The following USP49 variants were observed in gnomAD, a reference collection of about 807,000 sequenced individuals.
USP49 encodes the protein ubiquitin specific peptidase 49.
In USP49, 24 loss-of-function variants were observed where a neutral mutation model predicts 58.6. That is an observed-to-expected ratio of 0.41 (90% confidence interval 0.30 to 0.58). The LOEUF (loss-of-function observed/expected upper bound fraction) is 0.58. USP49 is among the 20% of genes least tolerant of loss of function. The pLI, the probability that USP49 is intolerant of heterozygous loss-of-function variation, is 0.30. For synonymous variants in USP49, 408 were observed against 365.1 expected (o/e 1.12, Z -1.34); for missense variants, 703 against 866.1 (o/e 0.81, Z 2.36).
At chr6:41,894,736 C>T (rs187775897) in intron 1 of USP49, among the ~76,000 whole-genome samples, 104 of 152,172 alleles carry the variant, frequency 6.8e-4, no homozygotes, top group Middle Eastern at 6.8e-3. Context: ...CACCTAACCC[C>T]AGGATCCCTT....
intron 3 of USP49, among the ~76,000 whole-genome samples, chr6:41,825,237 A>G (rs1773518115): frequency 6.6e-6 from 1 of 152,220 alleles, no homozygotes; most frequent in African/African-American, 2.4e-5. Flanking sequence ...TAAGCCAATC[A>G]ACTACCAATA....
intron 2 of USP49, among the ~76,000 whole-genome samples, chr6:41,886,007 A>T (rs1774704077): frequency 6.6e-6 from 1 of 152,148 alleles, no homozygotes; most frequent in Admixed American, 6.5e-5. Flanking sequence ...CATTTCTAAA[A>T]TATTTCTTTT....
chr6:41,806,391 T>G lies in USP49; in HGVS notation c.593A>C (p.Glu198Ala). 6.4e-7 allele frequency: 1 copy of G among 1,554,420 alleles called. No individual in the cohort carries two copies. Among genetic ancestry groups the G allele is most frequent in the Non-Finnish European group, 8.6e-7 (1 of 1,159,330 alleles). The change falls in exon 4 of 8, where the codon GAG (glutamate) becomes GCG (alanine). Residue 198 changes from glutamate (E) to alanine (A), a missense_variant. Transcript: ENST00000682992. The surrounding 1 kb of genome is among the most constrained non-coding windows in gnomAD (Gnocchi z 5.9). ...GCGCGGAGGGGTGCTGGCCAGCTCCTCCAGCAGCCGCCGTTTCACCTCGCG... is the reference window on the plus strand; with the variant it reads ...GCGCGGAGGGGTGCTGGCCAGCTCCGCCAGCAGCCGCCGTTTCACCTCGCG... ...RRREVKRRLL[E>A]ELASTPPRKS...
intron 3 of USP49, among the ~76,000 whole-genome samples, chr6:41,852,925 C>T (rs751099535): frequency 5.3e-5 from 8 of 152,232 alleles, no homozygotes; most frequent in Admixed American, 1.3e-4. Flanking sequence ...CACAGTGGCT[C>T]ACACCTGTAA....
intron 2 of USP49, among the ~76,000 whole-genome samples, chr6:41,885,369 G>A (rs1383812208): frequency 6.6e-6 from 1 of 152,104 alleles, no homozygotes; most frequent in Non-Finnish European, 1.5e-5. Flanking sequence ...CTAATGAAAG[G>A]CCACAAATTC....
At chr6:41,873,812 G>A (rs907162900) in intron 2 of USP49, among the ~76,000 whole-genome samples, 2 of 152,146 alleles carry the variant, frequency 1.3e-5, no homozygotes, top group African/African-American at 4.8e-5. Context: ...CAATAATTAC[G>A]ATGGTGATCT....
chr6:41,801,190 A>G (rs1772990632), intron 5 of USP49, among the ~76,000 whole-genome samples: 1 of 152,220 alleles, frequency 6.6e-6, no homozygotes, highest in African/African-American at 2.4e-5. Context: ...CCATTTACTG[A>G]TGACTGTTTT....
chr6:41,878,820 A>G (rs755743621), intron 2 of USP49, among the ~76,000 whole-genome samples: 6 of 152,134 alleles, frequency 3.9e-5, no homozygotes, highest in African/African-American at 1.2e-4. Context: ...AATTCTCACA[A>G]TGAGGTGGGT....
At chr6:41,811,642 T>C (rs1773259027) in intron 3 of USP49, among the ~76,000 whole-genome samples, 1 of 152,218 alleles carries the variant, frequency 6.6e-6, no homozygotes, top group Non-Finnish European at 1.5e-5. Context: ...GCTCAACTCT[T>C]AGTGGTCAAA....
chr6:41,846,091 G>T (rs999208864), intron 3 of USP49, among the ~76,000 whole-genome samples: 2 of 152,164 alleles, frequency 1.3e-5, no homozygotes, highest in Admixed American at 1.3e-4. Context: ...CAAGGCAGGT[G>T]GATCACTTGA....
chr6:41,847,032 T>C (rs1299271200), intron 3 of USP49, among the ~76,000 whole-genome samples: 4 of 152,164 alleles, frequency 2.6e-5, no homozygotes, highest in Admixed American at 1.3e-4. Context: ...ACCAGGATAA[T>C]TGGTAAAGGT....
chr6:41,823,063 A>G (rs1199854230), intron 3 of USP49, among the ~76,000 whole-genome samples: 2 of 152,346 alleles, frequency 1.3e-5, no homozygotes, highest in South Asian at 2.1e-4. Context: ...GCAGGGCTAT[A>G]TGTACAACAA....
intron 3 of USP49, among the ~76,000 whole-genome samples, chr6:41,858,764 A>T (rs1358688476): frequency 6.6e-6 from 1 of 151,128 alleles, no homozygotes; most frequent in African/African-American, 2.4e-5. Flanking sequence ...TTCCCTGGTC[A>T]CTCTATTATA....
chr6:41,818,867 A>T (rs1773405146), intron 3 of USP49, among the ~76,000 whole-genome samples: 1 of 152,130 alleles, frequency 6.6e-6, no homozygotes, highest in Admixed American at 6.6e-5. Flanking sequence ...CATACTGTAT[A>T]TGTGATCCAA....
chr6:41,825,542 CTG>C (rs775280549), intron 3 of USP49, among the ~76,000 whole-genome samples: 2 of 152,108 alleles, frequency 1.3e-5, no homozygotes, highest in South Asian at 4.1e-4. Context: ...GTGCTGAACA[CTG>C]TACATACCCA....
intron 3 of USP49, among the ~76,000 whole-genome samples, chr6:41,853,123 T>C (rs909642803): frequency 3.3e-5 from 5 of 151,978 alleles, no homozygotes; most frequent in African/African-American, 1.2e-4. Flanking sequence ...CAGGTGGAGG[T>C]TGCAATGAGC....
intron 3 of USP49, among the ~76,000 whole-genome samples, chr6:41,861,991 C>T (rs908409610): frequency 1.3e-5 from 2 of 152,130 alleles, no homozygotes; most frequent in African/African-American, 4.8e-5. Flanking sequence ...CATGAGCCAC[C>T]GCACCCGGCC....
At chr6:41,801,304 A>T (rs1202746742) in intron 5 of USP49, among the ~76,000 whole-genome samples, 1 of 152,186 alleles carries the variant, frequency 6.6e-6, no homozygotes, top group Non-Finnish European at 1.5e-5. Context: ...GTGTTTGAAG[A>T]GCAGCTGGGC....
chr6:41,858,761 G>T (rs1341199063), intron 3 of USP49, among the ~76,000 whole-genome samples: 1 of 151,848 alleles, frequency 6.6e-6, no homozygotes, highest in Non-Finnish European at 1.5e-5. Flanking sequence ...GCCTTCCCTG[G>T]TCACTCTATT....
Sources: gnomAD v4.1 joint callset for allele counts (sites outside exome capture counted in the v4.1 genomes callset) on GRCh38, gnomAD v4.1.1 for gene constraint, Gnocchi (gnomAD v3.1) non-coding constraint, MANE v1.5 for transcripts, NCBI Gene and HGNC (gene_info 2026-07-23, HGNC 2026-07-21) for gene names.